Variants in ZNF148 observed in about 807,000 individuals in gnomAD.
ZNF148 encodes the protein zinc finger protein 148.
A neutral mutation model predicts 67.7 loss-of-function variants in ZNF148; 7 were observed. The observed-to-expected ratio is 0.10, with a 90% CI of 0.06 to 0.19. The LOEUF is 0.19. ZNF148 is among the 10% of genes least tolerant of loss of function. ZNF148 has a pLI of 1.00. For synonymous variants in ZNF148, 333 were observed against 330.7 expected (o/e 1.01, Z -0.08); for missense variants, 583 against 947.1 (o/e 0.62, Z 5.05).
intron 1 of ZNF148, 59 bp downstream of exon 1, chr3:125,375,043 G>GCCCCCT (rs1232561674): frequency 3.0e-4 from 43 of 143,990 alleles, no homozygotes; most frequent in East Asian, 4.7e-4. Flanking sequence ...CCCGCGCGCC[G>GCCCCCT]CCCCCTCCCC....
At chr3:125,348,361 G>A (rs1449139235) in intron 1 of ZNF148, among the ~76,000 whole-genome samples, 24 of 151,578 alleles carry the variant, frequency 1.6e-4, no homozygotes, top group Admixed American at 1.4e-3. Context: ...CATACCTATA[G>A]TCCCAGCTAC....
intron 7 of ZNF148, among the ~76,000 whole-genome samples, chr3:125,258,866 C>T (rs1223329224): frequency 6.6e-6 from 1 of 152,068 alleles, no homozygotes; most frequent in Non-Finnish European, 1.5e-5. Context: ...AGGCTCCAAA[C>T]TCAACAAAGA....
At chr3:125,309,715 T>C (rs963049714) in intron 4 of ZNF148, among the ~76,000 whole-genome samples, 2 of 152,212 alleles carry the variant, frequency 1.3e-5, no homozygotes, top group African/African-American at 2.4e-5. Context: ...GGGAATGACA[T>C]GTATACATCT....
intron 3 of ZNF148, among the ~76,000 whole-genome samples, chr3:125,314,289 G>A (rs1485098822): frequency 6.6e-6 from 1 of 152,034 alleles, no homozygotes; most frequent in African/African-American, 2.4e-5. Context: ...CGTATCAAAA[G>A]CTATAAAAAT....
intron 4 of ZNF148, among the ~76,000 whole-genome samples, chr3:125,293,959 C>G (rs116111579): frequency 1.2e-3 from 177 of 152,246 alleles, no homozygotes; most frequent in African/African-American, 4.1e-3. Flanking sequence ...AAAACAGTAA[C>G]TCTACAGTGG....
chr3:125,372,045 C>G (rs1942908314), intron 1 of ZNF148, among the ~76,000 whole-genome samples: 1 of 134,312 alleles, frequency 7.4e-6, no homozygotes, highest in Non-Finnish European at 1.5e-5. Flanking sequence ...GCCTGGGTGA[C>G]AGAGCGAGAC....
rs1938226488 is a variant in ZNF148, at chr3:125,279,040, G to T, written c.583+84C>A. 2.9e-6 allele frequency: 4 copies of T among 1,377,920 alleles called. No homozygotes were observed. The South Asian group carries it at 7.0e-5, about 24-fold the overall frequency. 85.4% of individuals were successfully genotyped at this position (1,377,920 alleles called of 1,614,324 possible). On this transcript the variant is annotated intron_variant, in intron 6 of 8. Coordinates refer to ENST00000360647, the MANE Select transcript of ZNF148 (RefSeq NM_021964.3). ...GAATGCCAGATTAGCTATGGTCTTA[G>T]GAATGAATGACAGTTACACGAAGAT...
intron 7 of ZNF148, among the ~76,000 whole-genome samples, chr3:125,260,661 ACTAGT>A (rs1189432237): frequency 5.3e-5 from 8 of 152,326 alleles, no homozygotes; most frequent in African/African-American, 1.9e-4. Context: ...GAGTGACAGA[ACTAGT>A]CTGTATCTTG....
In ZNF148 at chr3:125,229,543, CAA is replaced by C. The variant is rs1482927832; in HGVS notation, c.*2796_*2797del. On this transcript the variant is annotated 3_prime_UTR_variant, in exon 9 of 9. Coordinates refer to ENST00000360647, the MANE Select transcript of ZNF148 (RefSeq NM_021964.3). Reference sequence around the variant, plus strand: ...TTTAAAAAACCCTTTAGAAGATGTTCAAGAGATACTGCCTCGCCTAACGTGAT... The same window carrying C: ...TTTAAAAAACCCTTTAGAAGATGTTCGAGATACTGCCTCGCCTAACGTGAT... The C allele has an allele frequency of 6.6e-6, 1 of 152,100 alleles. No individual in the cohort carries two copies. The highest frequency in any genetic ancestry group is 1.5e-5 in the Non-Finnish European group (1 of 68,012). 9.4% of individuals were successfully genotyped at this position (152,100 alleles called of 1,614,324 possible). A position where few individuals can be genotyped will look rare whatever the true frequency, so the allele number is the denominator to read the frequency against.
At chr3:125,341,986 C>A (rs1647197372) in intron 1 of ZNF148, among the ~76,000 whole-genome samples, 1 of 85,310 alleles carries the variant, frequency 1.2e-5, no homozygotes, top group Non-Finnish European at 2.4e-5. Context: ...CAGAGCCACA[C>A]TCTGTTTCGG....
chr3:125,267,221 T>G (rs1451944766), intron 7 of ZNF148, among the ~76,000 whole-genome samples: 1 of 150,822 alleles, frequency 6.6e-6, no homozygotes, highest in Non-Finnish European at 1.5e-5. Context: ...ACGAAACCAG[T>G]ATCATCCTGA....
intron 3 of ZNF148, 31 bp from the exon 4 acceptor site, chr3:125,313,687 G>A (rs749564276): frequency 9.2e-6 from 14 of 1,528,166 alleles, no homozygotes; most frequent in Non-Finnish European, 1.2e-5. Flanking sequence ...ACAAAACATA[G>A]TAAATTAGTT....
chr3:125,254,696 ATT>A (rs34847960), intron 7 of ZNF148, among the ~76,000 whole-genome samples: 1 of 149,588 alleles, frequency 6.7e-6, no homozygotes, highest in Non-Finnish European at 1.5e-5. Context: ...CATACACTGC[ATT>A]TTTTTTTCAT....
intron 4 of ZNF148, chr3:125,310,781 G>T (rs557949577): frequency 6.5e-6 from 1 of 153,040 alleles, no homozygotes; most frequent in South Asian, 2.1e-4. Context: ...AGATGAAAAA[G>T]TTCTAGAGAT....
At chr3:125,344,910 C>G (rs1941881000) in intron 1 of ZNF148, 1 of 164,004 alleles carries the variant, frequency 6.1e-6, no homozygotes, top group Non-Finnish European at 1.3e-5. Context: ...TCTCAGCTAG[C>G]CTGAGTAGAT....
intron 1 of ZNF148, among the ~76,000 whole-genome samples, chr3:125,366,020 A>G (rs917946395): frequency 6.6e-6 from 1 of 152,056 alleles, no homozygotes; most frequent in Admixed American, 6.6e-5. Flanking sequence ...TTACTCTACC[A>G]CCACATTACC....
At chr3:125,291,739 A>G (rs988956122) in intron 4 of ZNF148, among the ~76,000 whole-genome samples, 2 of 152,210 alleles carry the variant, frequency 1.3e-5, no homozygotes, top group African/African-American at 4.8e-5. Flanking sequence ...AAACATTTTA[A>G]AAGAATAATC....
At chr3:125,363,353 C>G (rs977615260) in intron 1 of ZNF148, among the ~76,000 whole-genome samples, 4 of 152,182 alleles carry the variant, frequency 2.6e-5, no homozygotes, top group African/African-American at 9.7e-5. Context: ...ATTCCCAACT[C>G]TATATTGGAC....
chr3:125,239,503 G>C (rs1936248230), intron 7 of ZNF148, among the ~76,000 whole-genome samples: 1 of 152,072 alleles, frequency 6.6e-6, no homozygotes, highest in African/African-American at 2.4e-5. Context: ...ACACCCACGA[G>C]GATGGCTAAA....
Sources: allele counts gnomAD v4.1 joint callset (sites outside exome capture counted in the v4.1 genomes callset), GRCh38; gene constraint gnomAD v4.1.1; transcripts MANE v1.5; gene names NCBI Gene and HGNC (gene_info 2026-07-23, HGNC 2026-07-21).